ELMO1: variants seen among roughly 807,000 people sequenced by gnomAD.
The protein encoded by ELMO1 is engulfment and cell motility protein 1.
In ELMO1, 26 loss-of-function variants were observed where a neutral mutation model predicts 98.9. That is an observed-to-expected ratio of 0.26 (90% CI 0.19 to 0.36). The LOEUF is 0.36. Ranked by LOEUF, ELMO1 falls within the 10% of genes least tolerant of loss-of-function variation. The pLI, the probability that ELMO1 is intolerant of heterozygous loss-of-function variation, is 1.00. For missense variants in ELMO1, 627 were observed against 935.2 expected, an observed-to-expected ratio of 0.67 and a Z score of 4.30; for synonymous variants, 346 against 346.0, an observed-to-expected ratio of 1.00 and a Z score of 0.00.
Position 37,259,214 on chromosome 7 carries a change from G to A in ELMO1, c.380C>T (p.Ser127Phe). 5 of 1,614,110 alleles carry A rather than the reference G, an allele frequency of 3.1e-6. No homozygotes were observed. The highest frequency in any genetic ancestry group is 4.2e-6 in the Non-Finnish European group (5 of 1,179,990). Residue 127 changes from serine to phenylalanine, a missense_variant, in exon 6 of 22, where the codon TCT becomes TTT. Transcript: ENST00000310758. ...AQEFINLDGI[S>F]LLTQMVESGT... is the part of the protein sequence containing the mutation. ...GCTCTCCACCATCTGCGTGAGGAGA[G>A]AGATACCGTCCAGGTTTATAAACTC... is the stretch of plus-strand genomic sequence containing the variant.
chr7:37,306,021 TTA>T (rs1798598774), intron 4 of ELMO1, among the ~76,000 whole-genome samples: 1 of 152,142 alleles, frequency 6.6e-6, no homozygotes. Context: ...GGGGCTACAG[TTA>T]TGTTAGGCAA....
intron 15 of ELMO1, among the ~76,000 whole-genome samples, chr7:37,025,811 TTACA>T (rs2129182288): frequency 6.6e-6 from 1 of 151,240 alleles, no homozygotes; most frequent in South Asian, 2.1e-4. Context: ...ATATATATAC[TTACA>T]TACATATATA....
rs1339791639 is a variant in ELMO1 at position 36,870,382 on chromosome 7, G to T, written c.1905+11C>A. 6.2e-7 allele frequency: 1 copy of T among 1,613,792 alleles called. No homozygotes were observed. Among genetic ancestry groups the T allele is most frequent in the East Asian group, 2.2e-5 (1 of 44,856 alleles). On this transcript the variant is annotated intron_variant, in intron 20 of 21. Transcript: ENST00000310758. The surrounding 1 kb of genome is among the most constrained non-coding windows in gnomAD (Gnocchi z 4.4). ...CAAATAGAGCTATTTGCAATAATTT[G>T]GAAATCATACCTTGTTTTGTTTAAG...
At chr7:36,934,311 G>T (rs1786316161) in intron 16 of ELMO1, among the ~76,000 whole-genome samples, 1 of 152,214 alleles carries the variant, frequency 6.6e-6, no homozygotes, top group Admixed American at 6.5e-5. Context: ...CAGCAGCCTG[G>T]GTAGTGGATC....
At chr7:37,234,911 T>C (rs142430244) in intron 7 of ELMO1, among the ~76,000 whole-genome samples, 1 of 152,290 alleles carries the variant, frequency 6.6e-6, no homozygotes, top group East Asian at 1.9e-4. Flanking sequence ...TTCTTAGAAC[T>C]AGAAAATGAA....
At chr7:36,901,703 G>A (rs1806518981) in intron 16 of ELMO1, among the ~76,000 whole-genome samples, 1 of 152,120 alleles carries the variant, frequency 6.6e-6, no homozygotes, top group African/African-American at 2.4e-5. Context: ...CTATAAAGTA[G>A]CGGTAATAAT....
chr7:37,249,724 T>A (rs1795232920), intron 6 of ELMO1, among the ~76,000 whole-genome samples: 1 of 152,214 alleles, frequency 6.6e-6, no homozygotes, highest in Non-Finnish European at 1.5e-5. Flanking sequence ...GTCAGGAATT[T>A]TATTCCAACA....
intron 5 of ELMO1, among the ~76,000 whole-genome samples, chr7:37,266,811 G>C (rs960011959): frequency 1.7e-4 from 26 of 151,998 alleles, no homozygotes; most frequent in African/African-American, 6.3e-4. Context: ...TCAAGAATTC[G>C]AGACCAGCCT....
At chr7:37,332,586 G>A (rs753317724) in intron 2 of ELMO1, among the ~76,000 whole-genome samples, 1 of 152,258 alleles carries the variant, frequency 6.6e-6, no homozygotes. Context: ...TAGACATGCA[G>A]AGAACTGAGG....
At chr7:36,959,689 T>G (rs1331457631) in intron 16 of ELMO1, among the ~76,000 whole-genome samples, 2 of 152,208 alleles carry the variant, frequency 1.3e-5, no homozygotes, top group African/African-American at 4.8e-5. Flanking sequence ...TAATTTTTTA[T>G]TTTTTGAGAC....
At chr7:37,072,059 A>G (rs2129225488) in intron 15 of ELMO1, among the ~76,000 whole-genome samples, 1 of 152,338 alleles carries the variant, frequency 6.6e-6, no homozygotes, top group African/African-American at 2.4e-5. Context: ...TATTAACTCA[A>G]AAATAATCTA....
At chr7:36,983,879 G>A (rs1041433653) in intron 16 of ELMO1, among the ~76,000 whole-genome samples, 4 of 152,150 alleles carry the variant, frequency 2.6e-5, no homozygotes, top group African/African-American at 7.2e-5. Flanking sequence ...GCGTTTTTAG[G>A]TGGGGGGAGC....
intron 1 of ELMO1, among the ~76,000 whole-genome samples, chr7:37,412,795 T>G (rs890778120): frequency 7.2e-5 from 11 of 152,184 alleles, no homozygotes; most frequent in Admixed American, 1.3e-4. Flanking sequence ...ACTTTCACTC[T>G]GGGGGAGGCC....
chr7:37,000,689 T>C (rs1792602768), intron 16 of ELMO1, among the ~76,000 whole-genome samples: 1 of 152,056 alleles, frequency 6.6e-6, no homozygotes, highest in African/African-American at 2.4e-5. Flanking sequence ...GTCCCCTACA[T>C]GGGATGGAAG....
chr7:37,031,866 A>C (rs1794902378), intron 15 of ELMO1, among the ~76,000 whole-genome samples: 1 of 152,188 alleles, frequency 6.6e-6, no homozygotes, highest in South Asian at 2.1e-4. Context: ...TGATAGTGAC[A>C]GTTAATCATT....
At chr7:36,987,358 C>G (rs1473344746) in intron 16 of ELMO1, among the ~76,000 whole-genome samples, 1 of 152,168 alleles carries the variant, frequency 6.6e-6, no homozygotes, top group Non-Finnish European at 1.5e-5. Flanking sequence ...CGAGGGGGCT[C>G]ATAAGGTGGC....
chr7:36,986,338 A>G lies in ELMO1; in HGVS notation c.1437+26961T>C, dbSNP rs538425540. 821 of 872,922 alleles carry G rather than the reference A, an allele frequency of 9.4e-4. 2 individuals are homozygous for G. Among genetic ancestry groups the G allele is most frequent in the Admixed American group, 2.0e-3 (32 of 16,118 alleles). The allele number at this position is 872,922 out of a possible 1,614,324, so 54.1% of individuals were successfully genotyped here. On this transcript the variant is annotated intron_variant, in intron 16 of 21. Transcript: ENST00000310758. ...AGAGTATCACAAGAGAAAAATAATA[A>G]CTTCGTTTCTATTTTAGTGTCCTAT...
At chr7:36,897,521 A>G (rs1014846022) in intron 16 of ELMO1, among the ~76,000 whole-genome samples, 7 of 152,078 alleles carry the variant, frequency 4.6e-5, no homozygotes, top group Admixed American at 4.6e-4. Context: ...GGTGAAGTCC[A>G]AGAGGAGGAC....
intron 4 of ELMO1, among the ~76,000 whole-genome samples, chr7:37,306,260 G>C (rs1248180166): frequency 6.6e-6 from 1 of 152,186 alleles, no homozygotes; most frequent in African/African-American, 2.4e-5. Context: ...TTCCAGGTTA[G>C]TAAAGCTACA....
Sources: allele counts gnomAD v4.1 joint callset (sites outside exome capture counted in the v4.1 genomes callset), GRCh38; gene constraint gnomAD v4.1.1; non-coding constraint Gnocchi (gnomAD v3.1); transcripts MANE v1.5; gene names NCBI Gene and HGNC (gene_info 2026-07-23, HGNC 2026-07-21).